Variants in KIF16B observed in about 807,000 individuals in gnomAD.
KIF16B encodes kinesin-like protein KIF16B.
In KIF16B, 98 loss-of-function variants were observed where a neutral mutation model predicts 156.3. The ratio of observed to expected loss-of-function variants is 0.63; its 90% CI spans 0.53 to 0.74. KIF16B has a LOEUF of 0.74. Ranked by LOEUF, KIF16B falls within the 30% of genes least tolerant of loss-of-function variation. The pLI, the probability that KIF16B is intolerant of heterozygous loss-of-function variation, is 0.00. For missense variants in KIF16B, 1,421 were observed against 1,606.5 expected (o/e 0.88, Z 1.97); for synonymous variants, 564 against 583.7 (o/e 0.97, Z 0.49).
chr20:16,341,923 C>T (rs2064146251), intron 23 of KIF16B, among the ~76,000 whole-genome samples: 1 of 152,230 alleles, frequency 6.6e-6, no homozygotes, highest in South Asian at 2.1e-4. Context: ...AAAAATCTCA[C>T]ACCCCAGACA....
chr20:16,524,975 A>G (rs1341990634), intron 3 of KIF16B, among the ~76,000 whole-genome samples: 3 of 152,156 alleles, frequency 2.0e-5, no homozygotes, highest in Admixed American at 1.3e-4. Context: ...GAGCTGAACA[A>G]TGAGAACAAA....
intron 5 of KIF16B, among the ~76,000 whole-genome samples, chr20:16,512,215 T>C (rs919724941): frequency 6.6e-6 from 1 of 152,144 alleles, no homozygotes. Context: ...ACATGGATTA[T>C]TTCATTGAAT....
At chr20:16,501,260 CACCAAGAATTGAATTCTTGGTTCAAT>C (rs149764997) in intron 10 of KIF16B, among the ~76,000 whole-genome samples, 11,354 of 97,622 alleles carry the variant, frequency 0.12, 1,618 homozygotes, top group Admixed American at 0.16. Context: ...TACTTTTATA[CACCAAGAATTGAATTCTTGGTTCAAT>C]ACCAAGAATT....
chr20:16,310,885 G>A (rs2063609994), intron 25 of KIF16B, among the ~76,000 whole-genome samples: 1 of 152,140 alleles, frequency 6.6e-6, no homozygotes, highest in Non-Finnish European at 1.5e-5. Context: ...TTTTCTCAGA[G>A]TGGTTCTATA....
At chr20:16,346,546 G>A (rs1484588728) in intron 23 of KIF16B, among the ~76,000 whole-genome samples, 1 of 152,208 alleles carries the variant, frequency 6.6e-6, no homozygotes, top group Non-Finnish European at 1.5e-5. Flanking sequence ...GCTATGAAGT[G>A]CTACTAAGTC....
chr20:16,543,617 C>T (rs905381650), intron 1 of KIF16B, among the ~76,000 whole-genome samples: 2 of 152,128 alleles, frequency 1.3e-5, no homozygotes, highest in Non-Finnish European at 2.9e-5. Context: ...ATTCATGTCC[C>T]AAACCATAAA....
At chr20:16,448,471 A>T (rs910690537) in intron 12 of KIF16B, among the ~76,000 whole-genome samples, 2 of 152,152 alleles carry the variant, frequency 1.3e-5, no homozygotes, top group African/African-American at 4.8e-5. Context: ...TCAGCTCATG[A>T]CCTCACACAG....
intron 4 of KIF16B, 70 bp downstream of exon 4, chr20:16,515,478 A>C: frequency 1.2e-6 from 1 of 824,530 alleles, no homozygotes. Context: ...AAATAGATAA[A>C]AGAGATCATT....
chr20:16,451,744 C>G (rs1306004605), intron 12 of KIF16B, among the ~76,000 whole-genome samples: 2 of 152,014 alleles, frequency 1.3e-5, no homozygotes, highest in Non-Finnish European at 2.9e-5. Flanking sequence ...CTAAAGATTC[C>G]TGGTATTTGT....
chr20:16,349,174 C>T (rs2064288805), intron 23 of KIF16B, among the ~76,000 whole-genome samples: 1 of 152,204 alleles, frequency 6.6e-6, no homozygotes. Flanking sequence ...CTTTTAAGCA[C>T]ATAGTAAGTA....
intron 12 of KIF16B, among the ~76,000 whole-genome samples, chr20:16,493,616 C>G (rs145696260): frequency 0.014 from 2,132 of 152,324 alleles, 22 homozygotes; most frequent in Non-Finnish European, 0.023. Flanking sequence ...ACCATCAAAG[C>G]ACAAAACTCA....
chr20:16,433,838 T>C (rs950152543), intron 12 of KIF16B, among the ~76,000 whole-genome samples: 2 of 151,920 alleles, frequency 1.3e-5, no homozygotes, highest in Non-Finnish European at 2.9e-5. Flanking sequence ...AAAAGTAATT[T>C]CAGACAAAAA....
intron 12 of KIF16B, among the ~76,000 whole-genome samples, chr20:16,481,078 C>A (rs113863831): frequency 0.02 from 2,994 of 152,244 alleles, 102 homozygotes; most frequent in African/African-American, 0.069. Flanking sequence ...AGGACACTTT[C>A]GTCAAAAATA....
intron 12 of KIF16B, among the ~76,000 whole-genome samples, chr20:16,431,638 C>A (rs1310347533): frequency 6.6e-6 from 1 of 152,036 alleles, no homozygotes; most frequent in Admixed American, 6.6e-5. Flanking sequence ...TTTTGTAGCA[C>A]CCCTTGCCTC....
chr20:16,282,933 A>G (rs1375510524), intron 25 of KIF16B, among the ~76,000 whole-genome samples: 1 of 152,172 alleles, frequency 6.6e-6, no homozygotes, highest in Non-Finnish European at 1.5e-5. Context: ...GAGTCTCCAA[A>G]TGTTAATCCC....
At position 16,526,120 on chromosome 20, in the gene KIF16B, T is replaced by C. The variant is rs774478907; in HGVS notation, c.203A>G (p.Lys68Arg). ...TTCTTGTGAAACGTAATCTGGGCTTTTTGTATCAGCAGAATAAAAAGAAAA... is the reference window on the plus strand; with the variant it reads ...TTCTTGTGAAACGTAATCTGGGCTTCTTGTATCAGCAGAATAAAAAGAAAA... ...YDFSFYSADT[K>R]SPDYVSQEMV... The change falls in exon 3 of 26, where the codon AAA becomes AGA. Residue 68 changes from lysine (K) to arginine (R), a missense_variant. Physicochemically the swap from Lys to Arg is conservative, Grantham distance 26. Transcript: ENST00000354981. 8 of 1,603,744 alleles carry C rather than the reference T, an allele frequency of 5.0e-6. No homozygotes were observed. The Admixed American group carries it at 8.5e-5, about 17-fold the overall frequency.
At chr20:16,334,524 A>T (rs552317535) in intron 24 of KIF16B, among the ~76,000 whole-genome samples, 1 of 152,340 alleles carries the variant, frequency 6.6e-6, no homozygotes, top group South Asian at 2.1e-4. Context: ...ACAGCTTAGT[A>T]ACAGAATTTC....
intron 25 of KIF16B, among the ~76,000 whole-genome samples, chr20:16,298,839 G>A (rs1326919138): frequency 3.3e-5 from 5 of 151,862 alleles, no homozygotes; most frequent in Non-Finnish European, 5.9e-5. Flanking sequence ...TGCACTCAGC[G>A]AAACCCAGAA....
At chr20:16,442,401 T>C (rs1419767176) in intron 12 of KIF16B, among the ~76,000 whole-genome samples, 1 of 143,718 alleles carries the variant, frequency 7.0e-6, no homozygotes, top group Non-Finnish European at 1.5e-5. Context: ...ATGCTCAGTG[T>C]ATATATATAC....
Sources: allele counts gnomAD v4.1 joint callset (sites outside exome capture counted in the v4.1 genomes callset), GRCh38; gene constraint gnomAD v4.1.1; transcripts MANE v1.5; gene names NCBI Gene and HGNC (gene_info 2026-07-23, HGNC 2026-07-21).